GGNBP2: variants seen among roughly 807,000 people sequenced by gnomAD.
The protein encoded by GGNBP2 is gametogenetin binding protein 2.
In GGNBP2, 10 loss-of-function variants were observed where a neutral mutation model predicts 85.9. That is an observed-to-expected ratio of 0.12 (90% confidence interval 0.07 to 0.20). The LOEUF is 0.20. GGNBP2 is among the 10% of genes least tolerant of loss of function. The pLI is 1.00. For missense variants in GGNBP2, 595 were observed against 857.8 expected (o/e 0.69, Z 3.83); for synonymous variants, 287 against 285.7 (o/e 1.00, Z -0.05).
chr17:36,552,600 G>A (rs2074320901), intron 2 of GGNBP2, among the ~76,000 whole-genome samples: 1 of 152,170 alleles, frequency 6.6e-6, no homozygotes, highest in Admixed American at 6.5e-5. Flanking sequence ...CCCTTTAGAG[G>A]TATTAATAAG....
At chr17:36,581,078 A>G (rs956514894) in intron 8 of GGNBP2, among the ~76,000 whole-genome samples, 1 of 151,736 alleles carries the variant, frequency 6.6e-6, no homozygotes, top group African/African-American at 2.4e-5. Context: ...AGGTCAGGAG[A>G]TCGAGACCAT....
chr17:36,578,208 G>A, intron 7 of GGNBP2, 22 bp downstream of exon 7: 1 of 1,577,790 alleles, frequency 6.3e-7, no homozygotes, highest in Non-Finnish European at 8.7e-7. Context: ...TAATTTGCTA[G>A]AATGGGCTAT....
intron 2 of GGNBP2, chr17:36,546,532 C>T (rs2074257165): frequency 6.6e-6 from 1 of 152,072 alleles, no homozygotes; most frequent in Admixed American, 6.6e-5. Context: ...GACCCAGTTC[C>T]GGGTACTTTA....
intron 3 of GGNBP2, among the ~76,000 whole-genome samples, chr17:36,555,255 T>C (rs1320012539): frequency 6.6e-6 from 1 of 152,252 alleles, no homozygotes; most frequent in Non-Finnish European, 1.5e-5. Context: ...TCCTATATTA[T>C]GAATTTTCTG....
At chr17:36,562,880 G>T (rs2074431478) in intron 5 of GGNBP2, among the ~76,000 whole-genome samples, 1 of 135,312 alleles carries the variant, frequency 7.4e-6, no homozygotes, top group African/African-American at 2.8e-5. Context: ...CAGGAGAATT[G>T]CTTGAACCCA....
intron 2 of GGNBP2, chr17:36,546,144 T>C (rs1395095558): frequency 4.8e-6 from 2 of 420,322 alleles, no homozygotes; most frequent in African/African-American, 4.0e-5. Context: ...CTTGGGCGTT[T>C]AGGGCCTACC....
rs184131569 is a variant in GGNBP2 at position 36,562,653 on chromosome 17, C to T, written c.527+1782C>T. ...TCTATTAAGTTTTTTTCCCCTATAC[C>T]GAGCAACAAAAAATATTTAAAACAT... On this transcript the variant is annotated intron_variant, in intron 5 of 13. Transcript: ENST00000613102. Among the ~76,000 whole-genome samples, 200 of 151,174 alleles carry T rather than the reference C, an allele frequency of 1.3e-3. 3 individuals carry two copies. The South Asian group carries it at 0.014, about 11-fold the overall frequency.
At chr17:36,579,917 G>A (rs2074629342) in intron 8 of GGNBP2, among the ~76,000 whole-genome samples, 1 of 152,100 alleles carries the variant, frequency 6.6e-6, no homozygotes, top group Non-Finnish European at 1.5e-5. Context: ...GGCTGAGACA[G>A]GAGAGTTGCT....
At chr17:36,546,252 C>G (rs916696151) in intron 2 of GGNBP2, 3 of 309,280 alleles carry the variant, frequency 9.7e-6, no homozygotes, top group Non-Finnish European at 1.8e-5. Flanking sequence ...ACTGGTAGCT[C>G]TCACCACATA....
rs1344592059 is a variant in GGNBP2 at position 36,589,824 on chromosome 17, ATATT to A, written c.*418_*421del. On this transcript the variant is annotated 3_prime_UTR_variant, in exon 14 of 14. Transcript: ENST00000613102. The stretch of plus-strand genomic sequence containing the variant: ...CAATGTGCAAAATTTAAAATAAAGA[ATATT>A]TATTAATACGCACAGTAAAATTTGC... The A allele has an allele frequency of 1.7e-5, 3 of 178,904 alleles. No individual in the cohort carries two copies. The highest frequency in any genetic ancestry group is 3.6e-5 in the Non-Finnish European group (3 of 84,388). 11.1% of individuals were successfully genotyped at this position (178,904 alleles called of 1,614,324 possible).
chr17:36,584,091 A>G lies in GGNBP2; in HGVS notation c.1216-1209A>G, dbSNP rs1470069126. ...GGCCAAAATTCTGATTGTTGTTTCAATGTTTGAGTTTTGTCATTGACAACA... is the reference window on the plus strand; with the variant it reads ...GGCCAAAATTCTGATTGTTGTTTCAGTGTTTGAGTTTTGTCATTGACAACA... On this transcript the variant is annotated intron_variant, in intron 9 of 13. Transcript: ENST00000613102. 2.6e-5 allele frequency among the ~76,000 whole-genome samples: 4 copies of G among 152,176 alleles called. No homozygotes were observed. In the East Asian group the frequency reaches 7.7e-4, roughly 29 times the overall value.
chr17:36,576,973 T>C (rs1193810476), intron 6 of GGNBP2: 1 of 152,198 alleles, frequency 6.6e-6, no homozygotes, highest in Non-Finnish European at 1.5e-5. Context: ...TCGATATGGG[T>C]CTGGCCCTCA....
chr17:36,549,941 CT>C (rs573719806), intron 2 of GGNBP2, among the ~76,000 whole-genome samples: 105 of 143,454 alleles, frequency 7.3e-4, no homozygotes, highest in South Asian at 1.3e-3. Context: ...TATGATATTT[CT>C]TTTTTTTTTT....
chr17:36,548,130 A>G (rs1307726119), intron 2 of GGNBP2, among the ~76,000 whole-genome samples: 1 of 152,240 alleles, frequency 6.6e-6, no homozygotes, highest in Non-Finnish European at 1.5e-5. Context: ...CACTGAGGAA[A>G]CATTGTTTGA....
At chr17:36,556,725 T>TA (rs1026830311) in intron 3 of GGNBP2, among the ~76,000 whole-genome samples, 2 of 133,074 alleles carry the variant, frequency 1.5e-5, no homozygotes, top group East Asian at 2.3e-4. Flanking sequence ...CAAACAAACT[T>TA]AAAAAAAAGG....
chr17:36,567,135 T>A (rs888808990), intron 5 of GGNBP2, among the ~76,000 whole-genome samples: 2 of 152,200 alleles, frequency 1.3e-5, no homozygotes, highest in East Asian at 3.8e-4. Context: ...TTCGGTCATT[T>A]TGACTTTAGA....
At chr17:36,550,785 A>G (rs1021085304) in intron 2 of GGNBP2, among the ~76,000 whole-genome samples, 1 of 152,226 alleles carries the variant, frequency 6.6e-6, no homozygotes, top group Admixed American at 6.5e-5. Flanking sequence ...TGATGCCTCT[A>G]TAAAACCACA....
In GGNBP2 at chr17:36,560,841, C is replaced by G; in HGVS notation, c.497C>G (p.Ser166Cys). 2 of 1,601,878 alleles carry G rather than the reference C, an allele frequency of 1.2e-6. No individual in the cohort carries two copies. The highest frequency in any genetic ancestry group is 1.7e-6 in the Non-Finnish European group (2 of 1,173,426). ...AAGAATAAGAGATGTCAGTTGCACT[C>G]CTTAGATACGCACAAGCCAAAACCT... Reference protein sequence around the residue: ...SKKNKRCQLHSLDTHKPKPLG... With the variant: ...SKKNKRCQLHCLDTHKPKPLG... The change falls in exon 5 of 14, where the codon TCC becomes TGC. Residue 166 changes from serine (S) to cysteine (C), a missense_variant. Coordinates refer to ENST00000613102, the MANE Select transcript of GGNBP2 (RefSeq NM_024835.5).
At chr17:36,562,561 A>G (rs1293306781) in intron 5 of GGNBP2, among the ~76,000 whole-genome samples, 2 of 148,768 alleles carry the variant, frequency 1.3e-5, no homozygotes, top group Admixed American at 6.8e-5. Flanking sequence ...GAGTTACACC[A>G]TTATTGTATA....
Sources: gnomAD v4.1 joint callset for allele counts (sites outside exome capture counted in the v4.1 genomes callset) on GRCh38, gnomAD v4.1.1 for gene constraint, MANE v1.5 for transcripts, NCBI Gene and HGNC (gene_info 2026-07-23, HGNC 2026-07-21) for gene names.